The following MLLT1 variants were observed in gnomAD, a reference collection of about 807,000 sequenced individuals.
MLLT1 encodes the protein MLLT1 super elongation complex subunit, also known as protein ENL.
A neutral mutation model predicts 55.1 loss-of-function variants in MLLT1; 11 were observed. The ratio of observed to expected loss-of-function variants is 0.20; its 90% CI spans 0.13 to 0.33. MLLT1 has a LOEUF of 0.33. Among genes scored for constraint, MLLT1 ranks in the 10% least tolerant of loss-of-function variants. The pLI, the probability that MLLT1 is intolerant of heterozygous loss-of-function variation, is 1.00. For missense variants in MLLT1, 536 were observed against 760.6 expected (o/e 0.70, Z 3.47); for synonymous variants, 323 against 320.1 (o/e 1.01, Z -0.10).
chr19:6,217,133 C>T (rs2090852504), intron 7 of MLLT1, among the ~76,000 whole-genome samples: 1 of 152,190 alleles, frequency 6.6e-6, no homozygotes, highest in African/African-American at 2.4e-5. Context: ...GGTCCCCCTC[C>T]CTTCCCGGCA....
Position 6,211,035 on chromosome 19 carries a change from C to T in MLLT1, c.*2007G>A, listed in dbSNP as rs908238777. ...CCTCCTCTGGCTGAGTGGAAGGCTGCTCGAGTCGCTGTGTGGATTTTGGGG... is the reference window on the plus strand; with the variant it reads ...CCTCCTCTGGCTGAGTGGAAGGCTGTTCGAGTCGCTGTGTGGATTTTGGGG... On this transcript the variant is annotated 3_prime_UTR_variant, in exon 12 of 12. Coordinates refer to ENST00000252674, the MANE Select transcript of MLLT1 (RefSeq NM_005934.4). This position sits in a 1 kb window ranked among gnomAD's most constrained non-coding sequence, Gnocchi z 4.6. The T allele has an allele frequency of 2.2e-5, 5 of 231,416 alleles. No homozygotes were observed. The highest frequency in any genetic ancestry group is 4.3e-5 in the Non-Finnish European group (5 of 117,158). The allele number at this position is 231,416 out of a possible 1,614,324, so 14.3% of individuals were successfully genotyped here.
rs1204617379 is a variant in MLLT1, at chr19:6,222,615, G to A, written c.616C>T (p.Arg206Cys). 5.0e-6 allele frequency: 8 copies of A among 1,592,172 alleles called. No homozygotes were observed. The highest frequency in any genetic ancestry group is 2.2e-5 in the East Asian group (1 of 44,550). Reference sequence around the variant, plus strand: ...GAGCTCTTGCTCTCGGAGTCTTTGCGGGGCCGCTCCCGGTGCTCCTTGGTC... The same window carrying A: ...GAGCTCTTGCTCTCGGAGTCTTTGCAGGGCCGCTCCCGGTGCTCCTTGGTC... ...KVTKEHRERP[R>C]KDSESKSSSK... is the part of the protein sequence containing the mutation. The change falls in exon 6 of 12, where the codon CGC (arginine) becomes TGC (cysteine). Residue 206 changes from arginine (R) to cysteine (C), a missense_variant. Transcript: ENST00000252674. The surrounding 1 kb of genome is among the most constrained non-coding windows in gnomAD (Gnocchi z 4.1).
At chr19:6,233,000 AG>A (rs1369266299) in intron 3 of MLLT1, among the ~76,000 whole-genome samples, 2 of 152,186 alleles carry the variant, frequency 1.3e-5, no homozygotes, top group African/African-American at 4.8e-5. Context: ...TGGGGACGCA[AG>A]GCAGAGCTCT....
chr19:6,272,928 A>C (rs1296095362), intron 1 of MLLT1, among the ~76,000 whole-genome samples: 1 of 152,234 alleles, frequency 6.6e-6, no homozygotes, highest in East Asian at 1.9e-4. Context: ...TGAAACATGT[A>C]CATGATACAG....
rs2090997141 is a variant in MLLT1, at chr19:6,230,284, A to G, written c.420+286T>C. 6.6e-6 allele frequency among the ~76,000 whole-genome samples: 1 copy of G among 152,176 alleles called. No homozygotes were observed. The highest frequency in any genetic ancestry group is 1.9e-4 in the East Asian group (1 of 5,194). ...GCTCCAGGCCCAGCCACGCGGTCAG[A>G]CCAGCCTCGCGCCCATCCCTTCCCA... On this transcript the variant is annotated intron_variant, in intron 4 of 11. Transcript: ENST00000252674. The surrounding 1 kb of genome is among the most constrained non-coding windows in gnomAD (Gnocchi z 9.0).
At chr19:6,236,341 C>G (rs1189612839) in intron 3 of MLLT1, among the ~76,000 whole-genome samples, 3 of 152,174 alleles carry the variant, frequency 2.0e-5, no homozygotes, top group Non-Finnish European at 4.4e-5. Context: ...GGTGTCCCCC[C>G]GTCACAGATG....
intron 8 of MLLT1, 38 bp from the exon 9 acceptor site, chr19:6,214,076 C>T: frequency 7.8e-7 from 1 of 1,284,538 alleles, no homozygotes; most frequent in Non-Finnish European, 1.0e-6. Context: ...GCCCCTGCCG[C>T]CACCACGGCC....
intron 3 of MLLT1, among the ~76,000 whole-genome samples, chr19:6,255,290 T>A (rs1182098057): frequency 6.6e-6 from 1 of 152,118 alleles, no homozygotes; most frequent in Non-Finnish European, 1.5e-5. Flanking sequence ...ATCAGGAGTT[T>A]GAGACCAGCC....
At chr19:6,217,317 C>A (rs1228013192) in intron 7 of MLLT1, among the ~76,000 whole-genome samples, 3 of 152,190 alleles carry the variant, frequency 2.0e-5, no homozygotes, top group Non-Finnish European at 4.4e-5. Context: ...TGTTCCAATC[C>A]AGGAGTGGAA....
At chr19:6,272,527 C>T (rs1220712521) in intron 1 of MLLT1, among the ~76,000 whole-genome samples, 1 of 152,212 alleles carries the variant, frequency 6.6e-6, no homozygotes, top group Non-Finnish European at 1.5e-5. Flanking sequence ...TGGAGACCAA[C>T]CTTGAGTCCC....
intron 3 of MLLT1, chr19:6,259,893 A>G (rs766437641): frequency 1.3e-5 from 2 of 151,940 alleles, no homozygotes; most frequent in Non-Finnish European, 2.9e-5. Flanking sequence ...TGCTACATCT[A>G]AAATGGGAGA....
chr19:6,255,154 A>C (rs906525752), intron 3 of MLLT1, among the ~76,000 whole-genome samples: 3 of 152,222 alleles, frequency 2.0e-5, no homozygotes, highest in Non-Finnish European at 2.9e-5. Flanking sequence ...CAAAAAGGGA[A>C]TTAGGAAAGA....
chr19:6,271,930 T>C (rs2091397855), intron 1 of MLLT1, among the ~76,000 whole-genome samples: 1 of 152,226 alleles, frequency 6.6e-6, no homozygotes, highest in Non-Finnish European at 1.5e-5. Context: ...CTCCAGTACC[T>C]GTCTCTTCTT....
chr19:6,248,175 A>C (rs2091184722), intron 3 of MLLT1, among the ~76,000 whole-genome samples: 1 of 152,200 alleles, frequency 6.6e-6, no homozygotes. Context: ...AGAATGAGCC[A>C]CTGTGCCCAG....
chr19:6,247,518 C>T (rs74548454), intron 3 of MLLT1, among the ~76,000 whole-genome samples: 2 of 152,234 alleles, frequency 1.3e-5, no homozygotes, highest in East Asian at 1.9e-4. Context: ...TGAATCCATC[C>T]GTGTTGATAC....
Position 6,211,587 on chromosome 19 carries a change from C to T in MLLT1, c.*1455G>A, listed in dbSNP as rs529902929. The T allele has an allele frequency of 2.3e-5, 24 of 1,064,414 alleles. No individual in the cohort carries two copies. The East Asian group carries it at 4.5e-4, about 20-fold the overall frequency. The allele number at this position is 1,064,414 out of a possible 1,614,324, so 65.9% of individuals were successfully genotyped here. On this transcript the variant is annotated 3_prime_UTR_variant, in exon 12 of 12. Transcript: ENST00000252674. This position sits in a 1 kb window ranked among gnomAD's most constrained non-coding sequence, Gnocchi z 4.6. Reference sequence around the variant, plus strand: ...ACATCTAGGTGGGTTCGAGGGGGTGCGAGCCCACCTCCAGGCCCTCAGCCC... The same window carrying T: ...ACATCTAGGTGGGTTCGAGGGGGTGTGAGCCCACCTCCAGGCCCTCAGCCC...
intron 3 of MLLT1, among the ~76,000 whole-genome samples, chr19:6,257,688 C>T (rs888448707): frequency 1.3e-5 from 2 of 152,056 alleles, no homozygotes; most frequent in African/African-American, 2.4e-5. Flanking sequence ...ATAATTCCAG[C>T]TACTCGGGAG....
Position 6,237,239 on chromosome 19 carries a change from C to T in MLLT1, c.277-6526G>A, listed in dbSNP as rs186819738. Among the ~76,000 whole-genome samples, 82 of 152,332 alleles carry T rather than the reference C, an allele frequency of 5.4e-4. 1 individual carries two copies. In the East Asian group the frequency reaches 0.015, roughly 28 times the overall value. On this transcript the variant is annotated intron_variant, in intron 3 of 11. Transcript: ENST00000252674. ...GTGGAGCGCCTGCTGCTGCCACCAC[C>T]TCTGAGAGGCCACACTCCCTCTGCC...
rs1482355452 is a variant in MLLT1, at chr19:6,235,082, G to T, written c.277-4369C>A. Among the ~76,000 whole-genome samples, 1 of 152,242 alleles carries T rather than the reference G, an allele frequency of 6.6e-6. No individual in the cohort carries two copies. The highest frequency in any genetic ancestry group is 1.9e-4 in the East Asian group (1 of 5,194). On this transcript the variant is annotated intron_variant, in intron 3 of 11. Coordinates refer to ENST00000252674, the MANE Select transcript of MLLT1 (RefSeq NM_005934.4). The surrounding 1 kb of genome is among the most constrained non-coding windows in gnomAD (Gnocchi z 5.5). ...AAATATTTACACATGAAATGAGGAT[G>T]TCTGGGATTTGCTCCAGAATGACCA...
Sources: allele counts gnomAD v4.1 joint callset (sites outside exome capture counted in the v4.1 genomes callset), GRCh38; gene constraint gnomAD v4.1.1; non-coding constraint Gnocchi (gnomAD v3.1); transcripts MANE v1.5; gene names NCBI Gene and HGNC (gene_info 2026-07-23, HGNC 2026-07-21).